The following GLB1 variants were observed in gnomAD, a reference collection of about 807,000 sequenced individuals.
GLB1 encodes beta-galactosidase.
GLB1 carries 56 observed loss-of-function variants against 74.0 expected under a neutral mutation model. The observed-to-expected ratio is 0.76, with a 90% CI of 0.61 to 0.94. The LOEUF (loss-of-function observed/expected upper bound fraction) is 0.94, where lower values mean the gene tolerates loss of function less well. GLB1 is among the 40% of genes least tolerant of loss of function. The pLI is 0.00. For missense variants in GLB1, 787 were observed against 845.5 expected, an observed-to-expected ratio of 0.93 and a Z score of 0.86; for synonymous variants, 323 against 323.6, an observed-to-expected ratio of 1.00 and a Z score of 0.02.
chr3:33,054,031 A>T (rs1699113691), intron 6 of GLB1, among the ~76,000 whole-genome samples: 1 of 129,312 alleles, frequency 7.7e-6, no homozygotes, highest in Non-Finnish European at 1.6e-5. Context: ...TTTTTTTATT[A>T]AAAAAAATAA....
At chr3:32,970,133 T>C in the GLB1 span, among the ~76,000 whole-genome samples, 5 of 152,320 alleles carry the variant, frequency 3.3e-5, no homozygotes, top group South Asian at 6.2e-4. Context: ...GAACCAACAT[T>C]TGTGGCTGAA....
the GLB1 span, among the ~76,000 whole-genome samples, chr3:32,982,238 G>C: frequency 6.6e-6 from 1 of 151,410 alleles, no homozygotes; most frequent in African/African-American, 2.4e-5. Flanking sequence ...TCTTGAACCC[G>C]GGAGGTGGAG....
rs556270462 is a variant in GLB1, at chr3:33,083,860, T to C, written c.76-11147A>G. Reference sequence around the variant, plus strand: ...CATCTTTTTTAAAAAAAATTAAACATAACACAATATTGACATCATCAGGTA... The same window carrying C: ...CATCTTTTTTAAAAAAAATTAAACACAACACAATATTGACATCATCAGGTA... On this transcript the variant is annotated intron_variant, in intron 1 of 15. Coordinates refer to ENST00000307363, the MANE Select transcript of GLB1 (RefSeq NM_000404.4). 3.9e-5 allele frequency among the ~76,000 whole-genome samples: 6 copies of C among 152,284 alleles called. No individual in the cohort carries two copies. In the East Asian group the frequency reaches 1.2e-3, roughly 29 times the overall value.
intron 5 of GLB1, among the ~76,000 whole-genome samples, chr3:33,061,148 C>T (rs9836304): frequency 0.017 from 2,516 of 152,244 alleles, 83 homozygotes; most frequent in African/African-American, 0.056. Flanking sequence ...TGGTGGCTCA[C>T]GCCTGTAATC....
intron 15 of GLB1, among the ~76,000 whole-genome samples, chr3:33,010,210 T>G (rs1284987192): frequency 6.6e-6 from 1 of 152,250 alleles, no homozygotes; most frequent in Non-Finnish European, 1.5e-5. Context: ...CTACCAGCAA[T>G]GTGGGAAGAT....
rs148240215 is a variant in GLB1 at position 33,071,035 on chromosome 3, A to T, written c.245+1509T>A. Among the ~76,000 whole-genome samples the T allele has an allele frequency of 7.2e-5, 11 of 152,302 alleles. No homozygotes were observed. The East Asian group carries it at 1.3e-3, about 19-fold the overall frequency. On this transcript the variant is annotated intron_variant, in intron 2 of 15. Coordinates refer to ENST00000307363, the MANE Select transcript of GLB1 (RefSeq NM_000404.4). ...AAGATTTTGTCAGGAATCATGTGGC[A>T]GGAGGTAAAATGACAAAACCTTCTA... is the stretch of plus-strand genomic sequence containing the variant.
intron 9 of GLB1, among the ~76,000 whole-genome samples, chr3:33,051,135 C>T (rs1363629266): frequency 3.6e-5 from 5 of 140,462 alleles, no homozygotes; most frequent in African/African-American, 1.4e-4. Context: ...CTGGAGGCTG[C>T]GGTGGGAGAA....
the GLB1 span, among the ~76,000 whole-genome samples, chr3:32,970,066 G>T: frequency 6.6e-6 from 1 of 152,196 alleles, no homozygotes; most frequent in South Asian, 2.1e-4. Context: ...GGTGACCAAG[G>T]TGTTAAGAGA....
intron 10 of GLB1, among the ~76,000 whole-genome samples, chr3:33,036,524 C>T (rs1698283850): frequency 6.6e-6 from 1 of 151,776 alleles, no homozygotes; most frequent in South Asian, 2.1e-4. Flanking sequence ...TAGGTATGTC[C>T]CTAGAGGAAT....
chr3:33,085,391 A>G (rs1700471932), intron 1 of GLB1, among the ~76,000 whole-genome samples: 1 of 152,244 alleles, frequency 6.6e-6, no homozygotes, highest in South Asian at 2.1e-4. Context: ...CAATTTTGCT[A>G]TAAGGCTACA....
chr3:33,054,655 A>G (rs1303703684), intron 6 of GLB1, among the ~76,000 whole-genome samples: 1 of 152,212 alleles, frequency 6.6e-6, no homozygotes, highest in East Asian at 1.9e-4. Flanking sequence ...TTACCCCTGA[A>G]TAATGGAATA....
At chr3:33,040,430 C>A (rs1290062018) in intron 10 of GLB1, among the ~76,000 whole-genome samples, 2 of 151,192 alleles carry the variant, frequency 1.3e-5, no homozygotes, top group Non-Finnish European at 3.0e-5. Context: ...CATAGTGAGA[C>A]CCTGGCTCTA....
At position 33,093,191 on chromosome 3, in the gene GLB1, G is replaced by A. The variant is rs112555655; in HGVS notation, c.75+3820C>T. The A allele has an allele frequency of 1.0e-4, 161 of 1,613,916 alleles. No individual in the cohort carries two copies. In the African/African-American group the frequency reaches 1.4e-3, roughly 14 times the overall value. Reference sequence around the variant, plus strand: ...AGTGCAGGATGTCTGCTTCAATATCGTCCACCCCAGCCAAGCAGATCCAGT... The same window carrying A: ...AGTGCAGGATGTCTGCTTCAATATCATCCACCCCAGCCAAGCAGATCCAGT... On this transcript the variant is annotated intron_variant, in intron 1 of 15. Coordinates refer to ENST00000307363, the MANE Select transcript of GLB1 (RefSeq NM_000404.4). This position sits in a 1 kb window ranked among gnomAD's most constrained non-coding sequence, Gnocchi z 6.0.
At chr3:33,014,809 ATACAAAAGTTAGCTGGGTGTGGTGGCAGG>A (rs756333035) in intron 14 of GLB1, among the ~76,000 whole-genome samples, 2 of 152,178 alleles carry the variant, frequency 1.3e-5, no homozygotes, top group Non-Finnish European at 2.9e-5. Context: ...TTTACTAAAA[ATACAAAAGTTAGCTGGGTGTGGTGGCAGG>A]TGCCTGTAAT....
chr3:33,062,111 C>T (rs544068457), intron 5 of GLB1, among the ~76,000 whole-genome samples: 203 of 152,334 alleles, frequency 1.3e-3, no homozygotes, highest in Non-Finnish European at 2.5e-3. Context: ...GGAAAGCCAC[C>T]ATTTTCTACC....
At chr3:32,987,853 G>T in the GLB1 span, among the ~76,000 whole-genome samples, 1 of 152,058 alleles carries the variant, frequency 6.6e-6, no homozygotes, top group African/African-American at 2.4e-5. Context: ...AAGCATTTTT[G>T]CAGAGAATAT....
At chr3:33,054,937 G>A (rs749308359) in intron 6 of GLB1, among the ~76,000 whole-genome samples, 3 of 152,206 alleles carry the variant, frequency 2.0e-5, no homozygotes, top group Non-Finnish European at 2.9e-5. Flanking sequence ...GGTATCCCAG[G>A]GTGGACGTGG....
At chr3:33,067,509 G>A (rs1312741723) in intron 4 of GLB1, among the ~76,000 whole-genome samples, 2 of 151,854 alleles carry the variant, frequency 1.3e-5, no homozygotes, top group African/African-American at 2.4e-5. Context: ...TCAAACTCCT[G>A]GGCTCAAGCA....
At chr3:33,026,859 C>T (rs1401460590) in intron 10 of GLB1, among the ~76,000 whole-genome samples, 1 of 152,204 alleles carries the variant, frequency 6.6e-6, no homozygotes, top group Non-Finnish European at 1.5e-5. Context: ...AAGCTATCCA[C>T]TGTGGGCCTC....
Sources: gnomAD v4.1 joint callset for allele counts (sites outside exome capture counted in the v4.1 genomes callset) on GRCh38, gnomAD v4.1.1 for gene constraint, Gnocchi (gnomAD v3.1) non-coding constraint, MANE v1.5 for transcripts, NCBI Gene and HGNC (gene_info 2026-07-23, HGNC 2026-07-21) for gene names.